ACBD6: variants seen among roughly 807,000 people sequenced by gnomAD.
The protein encoded by ACBD6 is acyl-CoA binding domain containing 6.
Under a neutral mutation model 37.2 loss-of-function variants are expected in ACBD6, and 28 were observed. That is an observed-to-expected ratio of 0.75 (90% CI 0.56 to 1.03). ACBD6 has a LOEUF of 1.03. ACBD6 is among the 50% of genes least tolerant of loss of function. ACBD6 has a pLI of 0.00. For missense variants in ACBD6, 340 were observed against 337.4 expected, an observed-to-expected ratio of 1.01 and a Z score of -0.06; for synonymous variants, 113 against 126.8, an observed-to-expected ratio of 0.89 and a Z score of 0.73.
intron 6 of ACBD6, among the ~76,000 whole-genome samples, chr1:180,389,840 G>A (rs1269754016): frequency 6.6e-6 from 1 of 151,792 alleles, no homozygotes; most frequent in African/African-American, 2.4e-5. Context: ...CCCACTTTTT[G>A]ATGGGGTTGT....
At chr1:180,271,256 G>A (rs1210891718) in exon 14 of ACBD6, 9 of 1,052,732 alleles carry the variant, frequency 8.5e-6, no homozygotes, top group Non-Finnish European at 1.2e-5. Flanking sequence ...TGTCCCCTGT[G>A]CCTCGCGCTG....
intron 5 of ACBD6, among the ~76,000 whole-genome samples, chr1:180,398,281 T>C (rs898548963): frequency 3.9e-5 from 6 of 152,334 alleles, no homozygotes; most frequent in South Asian, 2.1e-4. Context: ...ATATAAAGTA[T>C]AGTTTTCTTA....
intron 6 of ACBD6, among the ~76,000 whole-genome samples, chr1:180,377,949 A>AAGTAAT (rs370416100): frequency 3.5e-5 from 5 of 143,400 alleles, no homozygotes; most frequent in Non-Finnish European, 7.6e-5. Context: ...CTCTGTCTCA[A>AAGTAAT]AATAATAATA....
At chr1:180,350,641 C>T (rs1242732972) in intron 6 of ACBD6, among the ~76,000 whole-genome samples, 3 of 152,154 alleles carry the variant, frequency 2.0e-5, no homozygotes, top group African/African-American at 7.2e-5. Flanking sequence ...CATAGTCTGC[C>T]CGAGCTGTTT....
rs561893777 is a variant in ACBD6, at chr1:180,366,364, G to T, written c.663+31152C>A. ...ATTTAGAAACCTTTATGGTGAAGAC[G>T]GTAGGTTTTCCTGGGGATAAAAACT... On this transcript the variant is annotated intron_variant, in intron 6 of 7. Transcript: ENST00000367595. Among the ~76,000 whole-genome samples, 3 of 152,204 alleles carry T rather than the reference G, an allele frequency of 2.0e-5. No individual in the cohort carries two copies. In the East Asian group the frequency reaches 5.8e-4, roughly 29 times the overall value.
At chr1:180,412,236 T>A (rs753890138) in intron 5 of ACBD6, among the ~76,000 whole-genome samples, 2 of 152,164 alleles carry the variant, frequency 1.3e-5, no homozygotes, top group African/African-American at 4.8e-5. Context: ...TGCAGTATCA[T>A]AGTCTTACAT....
Position 180,502,412 on chromosome 1 carries a change from GT to G in ACBD6, c.-147del. ...GCTCAGTCGCGGCGCGCTCCCTCACGTGACCCTGCTCCCTGCCCACTTCTAC... is the reference window on the plus strand; with the variant it reads ...GCTCAGTCGCGGCGCGCTCCCTCACGGACCCTGCTCCCTGCCCACTTCTAC... On this transcript the variant is annotated 5_prime_UTR_variant, in exon 1 of 8. Transcript: ENST00000367595. The G allele has an allele frequency of 1.2e-6, 1 of 849,778 alleles. No homozygotes were observed. Among genetic ancestry groups the G allele is most frequent in the Non-Finnish European group, 1.9e-6 (1 of 517,256 alleles). 52.6% of individuals were successfully genotyped at this position (849,778 alleles called of 1,614,324 possible).
chr1:180,493,292 T>G (rs1553218696), intron 2 of ACBD6, among the ~76,000 whole-genome samples: 1 of 111,116 alleles, frequency 9.0e-6, no homozygotes, highest in Admixed American at 9.6e-5. Flanking sequence ...CAACAGCAAC[T>G]AAAGAATACT....
intron 5 of ACBD6, among the ~76,000 whole-genome samples, 167 bp from the exon 6 acceptor site, chr1:180,397,772 G>A (rs1654317317): frequency 1.3e-5 from 2 of 152,146 alleles, no homozygotes; most frequent in Admixed American, 1.3e-4. Flanking sequence ...AATCAATGGG[G>A]CAGGGCATGG....
chr1:180,327,646 T>C (rs863720), intron 6 of ACBD6, among the ~76,000 whole-genome samples: 8,788 of 152,298 alleles, frequency 0.058, 299 homozygotes, highest in South Asian at 0.059. Flanking sequence ...GACTAATTAA[T>C]TTTAGTCTTT....
intron 13 of ACBD6, chr1:180,272,097 G>A: frequency 1.6e-6 from 2 of 1,229,078 alleles, no homozygotes; most frequent in Non-Finnish European, 2.2e-6. Context: ...CTTTCTTGAG[G>A]CCTTGGCAAC....
chr1:180,423,524 T>C (rs187071546), intron 4 of ACBD6, among the ~76,000 whole-genome samples: 1 of 152,304 alleles, frequency 6.6e-6, no homozygotes, highest in East Asian at 1.9e-4. Flanking sequence ...TGTTATACTA[T>C]TTACGTTGGT....
chr1:180,428,362 G>A (rs1648682579), intron 4 of ACBD6, among the ~76,000 whole-genome samples: 1 of 152,162 alleles, frequency 6.6e-6, no homozygotes, highest in African/African-American at 2.4e-5. Flanking sequence ...AATGTTTTCT[G>A]TCATTATAGG....
chr1:180,469,398 GAA>G, intron 3 of ACBD6, among the ~76,000 whole-genome samples: 1 of 152,254 alleles, frequency 6.6e-6, no homozygotes, highest in East Asian at 1.9e-4. Flanking sequence ...GCTTTGTAAA[GAA>G]AATAAAATTC....
intron 6 of ACBD6, among the ~76,000 whole-genome samples, chr1:180,397,305 T>G (rs558190277): frequency 2.6e-5 from 4 of 152,174 alleles, no homozygotes; most frequent in Non-Finnish European, 4.4e-5. Context: ...ATAAAAAAAA[T>G]GTTAAAAAGT....
Position 180,426,767 on chromosome 1 carries a change from C to T in ACBD6, c.467+3413G>A, listed in dbSNP as rs145500286. On this transcript the variant is annotated intron_variant, in intron 4 of 7. Transcript: ENST00000367595. ...AACTTATTTTGCACCAGGTACTGTT[C>T]GAGGATGTCTATGTATTCACATAAT... Among the ~76,000 whole-genome samples the T allele has an allele frequency of 2.1e-3, 319 of 152,248 alleles. 1 individual carries two copies. Among genetic ancestry groups the T allele is most frequent in the African/African-American group, 6.9e-3 (285 of 41,558 alleles).
intron 6 of ACBD6, among the ~76,000 whole-genome samples, chr1:180,355,291 C>T (rs983327708): frequency 6.6e-6 from 1 of 152,188 alleles, no homozygotes; most frequent in Non-Finnish European, 1.5e-5. Context: ...ACCTTATGCT[C>T]TTAACTATGA....
chr1:180,473,475 G>A (rs1323713907), intron 3 of ACBD6, among the ~76,000 whole-genome samples: 4 of 150,604 alleles, frequency 2.7e-5, no homozygotes, highest in Admixed American at 6.6e-5. Context: ...ACTTTTACAC[G>A]AGTCAAATTT....
At chr1:180,282,634 G>A (rs1649346674) in intron 8 of ACBD6, among the ~76,000 whole-genome samples, 2 of 152,144 alleles carry the variant, frequency 1.3e-5, no homozygotes, top group South Asian at 4.1e-4. Context: ...TGCAGATAGT[G>A]GCTTAGGGAA....
Sources: allele counts gnomAD v4.1 joint callset (sites outside exome capture counted in the v4.1 genomes callset), GRCh38; gene constraint gnomAD v4.1.1; transcripts MANE v1.5; gene names NCBI Gene and HGNC (gene_info 2026-07-23, HGNC 2026-07-21).